The following TLE1 variants were observed in gnomAD, a reference collection of about 807,000 sequenced individuals.
TLE1 encodes the protein transducin-like enhancer protein 1.
TLE1 carries 21 observed loss-of-function variants against 89.8 expected under a neutral mutation model. The ratio of observed to expected loss-of-function variants is 0.23; its 90% CI spans 0.17 to 0.34. The LOEUF is 0.34. TLE1 is among the 10% of genes least tolerant of loss of function. The pLI, the probability that TLE1 is intolerant of heterozygous loss-of-function variation, is 1.00. For missense variants in TLE1, 795 were observed against 1,031.2 expected (o/e 0.77, Z 3.14); for synonymous variants, 447 against 407.6 (o/e 1.10, Z -1.16).
chr9:81,586,021 T>TTC (rs1342824370), intron 17 of TLE1, among the ~76,000 whole-genome samples: 6 of 149,224 alleles, frequency 4.0e-5, no homozygotes, highest in African/African-American at 1.5e-4. Flanking sequence ...AGGTGACTTT[T>TTC]TTTTTTTTTT....
intron 14 of TLE1, among the ~76,000 whole-genome samples, chr9:81,595,362 C>G (rs1830038328): frequency 6.6e-6 from 1 of 152,162 alleles, no homozygotes; most frequent in Non-Finnish European, 1.5e-5. Context: ...GAGTTTAAGT[C>G]TATTCATGTC....
chr9:81,677,458 A>T (rs1833036898), intron 4 of TLE1, among the ~76,000 whole-genome samples: 1 of 147,624 alleles, frequency 6.8e-6, no homozygotes, highest in Non-Finnish European at 1.5e-5. Context: ...CCAGCTACTC[A>T]GCAGGCTGAG....
At chr9:81,585,245 G>A (rs190614589) in intron 18 of TLE1, among the ~76,000 whole-genome samples, 15 of 151,712 alleles carry the variant, frequency 9.9e-5, no homozygotes, top group East Asian at 1.9e-4. Flanking sequence ...ACTCATTGTC[G>A]TCTCCCAACC....
intron 14 of TLE1, among the ~76,000 whole-genome samples, chr9:81,601,602 A>G (rs960848899): frequency 6.4e-5 from 9 of 141,230 alleles, no homozygotes; most frequent in Admixed American, 2.8e-4. Context: ...ACAGTGCCAG[A>G]AAAAAAAAAA....
chr9:81,676,461 G>A (rs971545954), intron 4 of TLE1, among the ~76,000 whole-genome samples: 2 of 152,202 alleles, frequency 1.3e-5, no homozygotes, highest in African/African-American at 2.4e-5. Flanking sequence ...GGAGACTGAG[G>A]AAGGCCATCT....
At chr9:81,650,794 C>G (rs1198639135) in intron 6 of TLE1, among the ~76,000 whole-genome samples, 1 of 152,122 alleles carries the variant, frequency 6.6e-6, no homozygotes, top group Non-Finnish European at 1.5e-5. Flanking sequence ...TGTAATAAAG[C>G]AGCTTGAATA....
At chr9:81,653,857 TG>T in intron 5 of TLE1, 116 bp downstream of exon 5, 1 of 886,926 alleles carries the variant, frequency 1.1e-6, no homozygotes, top group Middle Eastern at 2.6e-4. Flanking sequence ...ACACTTCAGC[TG>T]TAACAGATGT....
chr9:81,622,730 T>A (rs577140484), intron 8 of TLE1, among the ~76,000 whole-genome samples: 1 of 152,154 alleles, frequency 6.6e-6, no homozygotes, highest in Non-Finnish European at 1.5e-5. Context: ...CCCCTGCTTA[T>A]CTGAAAATGG....
intron 8 of TLE1, 144 bp downstream of exon 8, chr9:81,633,204 G>A: frequency 2.9e-6 from 4 of 1,381,578 alleles, no homozygotes; most frequent in Non-Finnish European, 3.8e-6. Flanking sequence ...AAAAGTAAAA[G>A]AAAAAAGCCA....
rs1829776013 is a variant in TLE1, at chr9:81,593,167, G to A, written c.1439C>T (p.Thr480Ile). The stretch of plus-strand genomic sequence containing the variant: ...GCACACCACCTCCCCGTGGTTGAGG[G>A]TGTTGATCTGGCGAGCATGCCGGGG... Reference protein sequence around the residue: ...GIPRHARQINTLNHGEVVCAV... With the variant: ...GIPRHARQINILNHGEVVCAV... Residue 480 changes from threonine (T) to isoleucine (I), a missense_variant, in exon 15 of 20, where the codon ACC (threonine) becomes ATC (isoleucine). By Grantham distance (89) the Thr-to-Ile change is moderately conservative. This residue lies in a region of TLE1 where 468 missense variants were observed against 509.1 expected (regional missense o/e 0.92). Transcript: ENST00000376499. The A allele has an allele frequency of 5.0e-6, 8 of 1,614,202 alleles. No homozygotes were observed. Among genetic ancestry groups the A allele is most frequent in the Non-Finnish European group, 6.8e-6 (8 of 1,180,048 alleles).
At chr9:81,584,920 T>C (rs538456428) in intron 18 of TLE1, among the ~76,000 whole-genome samples, 1 of 152,160 alleles carries the variant, frequency 6.6e-6, no homozygotes, top group South Asian at 2.1e-4. Context: ...AGTCACATCA[T>C]ATAGCATGAA....
At chr9:81,660,146 G>A (rs746612671) in intron 4 of TLE1, among the ~76,000 whole-genome samples, 3 of 151,902 alleles carry the variant, frequency 2.0e-5, no homozygotes, top group Non-Finnish European at 4.4e-5. Flanking sequence ...ACGAGAACAC[G>A]ACTCCTACTA....
intron 6 of TLE1, among the ~76,000 whole-genome samples, chr9:81,649,661 G>A (rs1293105219): frequency 6.6e-6 from 1 of 152,072 alleles, no homozygotes; most frequent in East Asian, 1.9e-4. Context: ...CCCTAAGTCG[G>A]CCCCTGAACA....
At chr9:81,589,655 AT>A (rs1433567661) in intron 16 of TLE1, among the ~76,000 whole-genome samples, 1 of 152,236 alleles carries the variant, frequency 6.6e-6, no homozygotes, top group Non-Finnish European at 1.5e-5. Flanking sequence ...CACTTCCTCT[AT>A]AAAATGGGGC....
At chr9:81,657,125 C>G (rs1163976649) in intron 4 of TLE1, among the ~76,000 whole-genome samples, 1 of 152,136 alleles carries the variant, frequency 6.6e-6, no homozygotes, top group Non-Finnish European at 1.5e-5. Flanking sequence ...ATTTATTGCT[C>G]CACTCTATGT....
intron 14 of TLE1, among the ~76,000 whole-genome samples, chr9:81,596,028 A>G (rs1420750015): frequency 2.0e-5 from 3 of 152,008 alleles, no homozygotes; most frequent in African/African-American, 4.8e-5. Context: ...CCTTTCATCA[A>G]TCTCAGATTT....
chr9:81,587,907 CGTGTGTGTGTGTGTGT>C lies in TLE1; in HGVS notation c.1830-95_1830-80del, dbSNP rs71496083. The stretch of plus-strand genomic sequence containing the variant: ...CACTGTTGTGTTGTTAGTTTTGGAC[CGTGTGTGTGTGTGTGT>C]GTGTGTGTGTGTGTGTGTGTGTGAT... On this transcript the variant is annotated intron_variant, in intron 16 of 19. Coordinates refer to ENST00000376499, the MANE Select transcript of TLE1 (RefSeq NM_005077.5). The C allele has an allele frequency of 3.0e-3, 2,261 of 751,396 alleles. 12 individuals are homozygous for C. Among genetic ancestry groups the C allele is most frequent in the Middle Eastern group, 5.8e-3 (19 of 3,268 alleles). 46.5% of individuals were successfully genotyped at this position (751,396 alleles called of 1,614,324 possible). A position where few individuals can be genotyped will look rare whatever the true frequency, so the allele number is the denominator to read the frequency against.
intron 14 of TLE1, among the ~76,000 whole-genome samples, chr9:81,594,805 A>C (rs1350144273): frequency 6.6e-6 from 1 of 152,188 alleles, no homozygotes; most frequent in African/African-American, 2.4e-5. Flanking sequence ...TTGTAAAGTA[A>C]CTTAGCAAGC....
At chr9:81,607,411 C>G (rs995769221) in intron 14 of TLE1, among the ~76,000 whole-genome samples, 4 of 152,162 alleles carry the variant, frequency 2.6e-5, no homozygotes, top group Non-Finnish European at 5.9e-5. Flanking sequence ...TCCACCCTAG[C>G]ATCACAGCTC....
Sources: gnomAD v4.1 joint callset for allele counts (sites outside exome capture counted in the v4.1 genomes callset) on GRCh38, gnomAD v4.1.1 for gene constraint, gnomAD v4.1.1 regional missense constraint, MANE v1.5 for transcripts, NCBI Gene and HGNC (gene_info 2026-07-23, HGNC 2026-07-21) for gene names.